PSKH2: variants seen among roughly 807,000 people sequenced by gnomAD.
PSKH2 encodes protein serine kinase H2.
PSKH2 carries 16 observed loss-of-function variants against 22.5 expected under a neutral mutation model. That is an observed-to-expected ratio of 0.71 (90% confidence interval 0.48 to 1.08). The LOEUF (loss-of-function observed/expected upper bound fraction) is 1.08, where lower values mean the gene tolerates loss of function less well. Ranked by LOEUF, PSKH2 falls within the 50% of genes least tolerant of loss-of-function variation. The pLI, the probability that PSKH2 is intolerant of heterozygous loss-of-function variation, is 0.00. For missense variants in PSKH2, 516 were observed against 492.8 expected, an observed-to-expected ratio of 1.05 and a Z score of -0.44; for synonymous variants, 188 against 184.8, an observed-to-expected ratio of 1.02 and a Z score of -0.14.
intron 1 of PSKH2, among the ~76,000 whole-genome samples, chr8:86,066,052 T>G (rs1426728173): frequency 6.6e-6 from 1 of 152,166 alleles, no homozygotes; most frequent in African/African-American, 2.4e-5. Context: ...GAGAAAATGC[T>G]AGACTTAAAA....
chr8:86,050,507 T>C (rs1025678401), intron 2 of PSKH2, among the ~76,000 whole-genome samples: 1 of 152,150 alleles, frequency 6.6e-6, no homozygotes, highest in Non-Finnish European at 1.5e-5. Context: ...AGCCCAGACC[T>C]AAGAGCACAC....
At chr8:86,067,841 A>G (rs1586067752) in intron 1 of PSKH2, among the ~76,000 whole-genome samples, 1 of 152,210 alleles carries the variant, frequency 6.6e-6, no homozygotes, top group African/African-American at 2.4e-5. Context: ...TCCCAATTCT[A>G]CCACTAACTT....
chr8:86,050,152 T>C (rs994542662), intron 2 of PSKH2, among the ~76,000 whole-genome samples: 3 of 152,230 alleles, frequency 2.0e-5, no homozygotes, highest in African/African-American at 7.2e-5. Flanking sequence ...TTTCTGAGCA[T>C]GGGAATAAGA....
chr8:86,058,565 C>A (rs1817736185), intron 2 of PSKH2, among the ~76,000 whole-genome samples: 1 of 152,128 alleles, frequency 6.6e-6, no homozygotes, highest in Non-Finnish European at 1.5e-5. Context: ...TTACTGAATG[C>A]AGAGAGAAAA....
chr8:86,048,491 C>A lies in PSKH2; in HGVS notation c.1129G>T (p.Val377Leu). The A allele has an allele frequency of 6.2e-7, 1 of 1,613,732 alleles. No homozygotes were observed. The highest frequency in any genetic ancestry group is 8.5e-7 in the Non-Finnish European group (1 of 1,179,638). ...HMWSKRNLRI[V>L]ESPLSALL ...AAAAGCGCAGACAGTGGCGATTCTACTATCCTTAAGTTTCTCTTGCTCCAC... is the reference window on the plus strand; with the variant it reads ...AAAAGCGCAGACAGTGGCGATTCTAATATCCTTAAGTTTCTCTTGCTCCAC... The change falls in exon 3 of 3, where the codon GTA (valine) becomes TTA (leucine). Residue 377 changes from valine (V) to leucine (L), a missense_variant. Transcript: ENST00000276616.
chr8:86,054,533 A>G (rs1817675443), intron 2 of PSKH2, among the ~76,000 whole-genome samples: 1 of 152,198 alleles, frequency 6.6e-6, no homozygotes, highest in Admixed American at 6.5e-5. Context: ...GATTCCATAT[A>G]TCATTTTTGT....
At chr8:86,065,092 A>AC (rs1441137736) in intron 1 of PSKH2, among the ~76,000 whole-genome samples, 25 of 151,964 alleles carry the variant, frequency 1.6e-4, no homozygotes, top group South Asian at 6.3e-4. Context: ...GAATGTTAAG[A>AC]CCCCCCTCTA....
At chr8:86,062,226 G>A (rs1817786858) in intron 2 of PSKH2, among the ~76,000 whole-genome samples, 2 of 152,180 alleles carry the variant, frequency 1.3e-5, no homozygotes, top group Non-Finnish European at 2.9e-5. Flanking sequence ...ATGAATTGGG[G>A]ACTATCATAC....
chr8:86,061,847 A>G (rs1329717642), intron 2 of PSKH2, among the ~76,000 whole-genome samples: 1 of 152,230 alleles, frequency 6.6e-6, no homozygotes, highest in Non-Finnish European at 1.5e-5. Flanking sequence ...AAGATTCACA[A>G]GCTGAGCCTT....
Position 86,064,634 on chromosome 8 carries a change from G to T in PSKH2, c.186-3C>A, listed in dbSNP as rs1433983768. On this transcript the variant is annotated splice_region_variant and splice_polypyrimidine_tract_variant and intron_variant, in intron 1 of 2. Transcript: ENST00000276616. ...CAATAAGAGCTTTGATGTCATATCTGTTGGGAAGAAAAACCAAACATGTTA... is the reference window on the plus strand; with the variant it reads ...CAATAAGAGCTTTGATGTCATATCTTTTGGGAAGAAAAACCAAACATGTTA... 4 of 1,601,938 alleles carry T rather than the reference G, an allele frequency of 2.5e-6. No homozygotes were observed.
intron 2 of PSKH2, among the ~76,000 whole-genome samples, chr8:86,050,274 A>C (rs544398329): frequency 1.3e-5 from 2 of 152,314 alleles, no homozygotes; most frequent in African/African-American, 2.4e-5. Flanking sequence ...CAAGAGAGGC[A>C]CTGAAATATA....
In PSKH2 at chr8:86,064,482, A is replaced by G. The variant is rs909017595; in HGVS notation, c.335T>C (p.Leu112Pro). ...AATGTAACGATGGCTAACCCGCCGCAGGACGCTCAGCTCAGACACGCACGC... is the reference window on the plus strand; with the variant it reads ...AATGTAACGATGGCTAACCCGCCGCGGGACGCTCAGCTCAGACACGCACGC... ...REACVSELSV[L>P]RRVSHRYIVQ... The change falls in exon 2 of 3, where the codon CTG becomes CCG. Residue 112 changes from leucine (L) to proline (P), a missense_variant. Leu to Pro is a moderately conservative substitution (Grantham distance 98). Coordinates refer to ENST00000276616, the MANE Select transcript of PSKH2 (RefSeq NM_033126.3). 8 of 1,614,018 alleles carry G rather than the reference A, an allele frequency of 5.0e-6. No individual in the cohort carries two copies. The highest frequency in any genetic ancestry group is 6.8e-6 in the Non-Finnish European group (8 of 1,180,016).
chr8:86,067,388 G>C (rs1170828417), intron 1 of PSKH2, among the ~76,000 whole-genome samples: 1 of 94,874 alleles, frequency 1.1e-5, no homozygotes, highest in Non-Finnish European at 2.8e-5. Context: ...AATAAACACT[G>C]AACAAAAGAA....
chr8:86,061,362 T>C (rs1324440349), intron 2 of PSKH2, among the ~76,000 whole-genome samples: 1 of 152,228 alleles, frequency 6.6e-6, no homozygotes, highest in Non-Finnish European at 1.5e-5. Context: ...TATTGTTTAT[T>C]ATTCTTTCAC....
chr8:86,068,121 C>T (rs117945286), intron 1 of PSKH2, among the ~76,000 whole-genome samples: 2 of 152,326 alleles, frequency 1.3e-5, no homozygotes, highest in East Asian at 3.9e-4. Context: ...AGATTCAGTT[C>T]AGTCATATTA....
In PSKH2 at chr8:86,047,230, T is replaced by G. The variant is rs922604605; in HGVS notation, c.*1232A>C. Among the ~76,000 whole-genome samples the G allele has an allele frequency of 1.3e-5, 2 of 152,210 alleles. No homozygotes were observed. Among genetic ancestry groups the G allele is most frequent in the Non-Finnish European group, 2.9e-5 (2 of 68,032 alleles). On this transcript the variant is annotated 3_prime_UTR_variant, in exon 3 of 3. Coordinates refer to ENST00000276616, the MANE Select transcript of PSKH2 (RefSeq NM_033126.3). Reference sequence around the variant, plus strand: ...AACCACCTGGTAAAATATTTGCCCATTTTTCTATTATTTATCTAATGAATT... The same window carrying G: ...AACCACCTGGTAAAATATTTGCCCAGTTTTCTATTATTTATCTAATGAATT...
In PSKH2 at chr8:86,063,962, T is replaced by C; in HGVS notation, c.852+3A>G. On this transcript the variant is annotated splice_donor_region_variant and intron_variant, in intron 2 of 2. Coordinates refer to ENST00000276616, the MANE Select transcript of PSKH2 (RefSeq NM_033126.3). ...CAATAGAAATAAAATAATGCTCTCT[T>C]ACCTCTCCTGTATAATTATATTTGC... The C allele has an allele frequency of 6.2e-7, 1 of 1,604,712 alleles. No homozygotes were observed. Among genetic ancestry groups the C allele is most frequent in the Non-Finnish European group, 8.5e-7 (1 of 1,174,592 alleles).
intron 2 of PSKH2, among the ~76,000 whole-genome samples, chr8:86,059,355 T>C (rs1460689550): frequency 6.6e-6 from 1 of 152,196 alleles, no homozygotes; most frequent in Non-Finnish European, 1.5e-5. Flanking sequence ...AAAGGCGAAT[T>C]ATTATTTTAC....
Position 86,064,638 on chromosome 8 carries a change from G to A in PSKH2, c.186-7C>T. On this transcript the variant is annotated splice_region_variant and splice_polypyrimidine_tract_variant and intron_variant, in intron 1 of 2. Transcript: ENST00000276616. ...AAGAGCTTTGATGTCATATCTGTTG[G>A]GAAGAAAAACCAAACATGTTATCCC... 6.3e-7 allele frequency: 1 copy of A among 1,599,190 alleles called. No individual in the cohort carries two copies. Among genetic ancestry groups the A allele is most frequent in the Non-Finnish European group, 8.5e-7 (1 of 1,174,288 alleles).
Sources: gnomAD v4.1 joint callset for allele counts (sites outside exome capture counted in the v4.1 genomes callset) on GRCh38, gnomAD v4.1.1 for gene constraint, MANE v1.5 for transcripts, NCBI Gene and HGNC (gene_info 2026-07-23, HGNC 2026-07-21) for gene names.